Variants in ARHGAP10 observed in about 807,000 individuals in gnomAD.
ARHGAP10 encodes the protein rho GTPase-activating protein 10.
A neutral mutation model predicts 108.6 loss-of-function variants in ARHGAP10; 87 were observed. The observed-to-expected ratio is 0.80, with a 90% CI of 0.67 to 0.96. ARHGAP10 has a LOEUF of 0.96. Among genes scored for constraint, ARHGAP10 ranks in the 40% least tolerant of loss-of-function variants. ARHGAP10 has a pLI of 0.00. For synonymous variants in ARHGAP10, 347 were observed against 341.1 expected (o/e 1.02, Z -0.19); for missense variants, 939 against 954.5 (o/e 0.98, Z 0.21).
Position 147,950,586 on chromosome 4 carries a change from A to T in ARHGAP10, c.1391+3882A>T, listed in dbSNP as rs967480750. On this transcript the variant is annotated intron_variant, in intron 15 of 22. Coordinates refer to ENST00000336498, the MANE Select transcript of ARHGAP10 (RefSeq NM_024605.4). ...TGGAGGTGGAGGGAGGAAAACAGCC[A>T]AAGCCCCAAAGCACCAAACTAAAAC... Among the ~76,000 whole-genome samples, 62 of 152,216 alleles carry T rather than the reference A, an allele frequency of 4.1e-4. 1 individual carries two copies. Among genetic ancestry groups the T allele is most frequent in the African/African-American group, 1.3e-3 (55 of 41,462 alleles).
chr4:147,790,179 C>T (rs957216319), intron 1 of ARHGAP10, among the ~76,000 whole-genome samples: 4 of 151,890 alleles, frequency 2.6e-5, no homozygotes, highest in African/African-American at 9.7e-5. Context: ...ACTTGCACGC[C>T]ACCTTCTTGC....
chr4:147,947,140 AG>A (rs1294819447), intron 15 of ARHGAP10, among the ~76,000 whole-genome samples: 1 of 151,738 alleles, frequency 6.6e-6, no homozygotes, highest in African/African-American at 2.4e-5. Context: ...TTACTTGGTG[AG>A]GTTTTAAGAT....
chr4:147,994,159 TC>T (rs1163416340), intron 18 of ARHGAP10, among the ~76,000 whole-genome samples: 1 of 152,250 alleles, frequency 6.6e-6, no homozygotes, highest in East Asian at 1.9e-4. Context: ...TGTATTTTTT[TC>T]CTTTTGAGCT....
intron 3 of ARHGAP10, among the ~76,000 whole-genome samples, chr4:147,842,169 A>G (rs1436806635): frequency 6.6e-6 from 1 of 152,050 alleles, no homozygotes; most frequent in Non-Finnish European, 1.5e-5. Flanking sequence ...TCCTGACCTC[A>G]AGTGATCCAC....
chr4:147,920,863 C>T (rs1737207039), intron 13 of ARHGAP10, among the ~76,000 whole-genome samples: 1 of 151,980 alleles, frequency 6.6e-6, no homozygotes, highest in African/African-American at 2.4e-5. Context: ...GGAAACTCAG[C>T]AAAGATACAG....
At chr4:147,877,810 T>C (rs890977924) in intron 8 of ARHGAP10, among the ~76,000 whole-genome samples, 1 of 140,914 alleles carries the variant, frequency 7.1e-6, no homozygotes, top group Non-Finnish European at 1.5e-5. Context: ...AGATTTCTTA[T>C]TCTTCATACT....
chr4:147,910,475 G>A (rs1277773619), intron 12 of ARHGAP10, among the ~76,000 whole-genome samples: 1 of 152,170 alleles, frequency 6.6e-6, no homozygotes, highest in East Asian at 1.9e-4. Flanking sequence ...GGTAAGAGCT[G>A]TTTATATCGA....
intron 9 of ARHGAP10, among the ~76,000 whole-genome samples, 190 bp from the exon 10 acceptor site, chr4:147,881,648 A>G (rs751725875): frequency 5.9e-5 from 9 of 152,214 alleles, no homozygotes. Context: ...CAAAAGAATC[A>G]GGAGAATGAC....
intron 1 of ARHGAP10, among the ~76,000 whole-genome samples, chr4:147,790,570 C>T (rs1731077137): frequency 6.6e-6 from 1 of 152,108 alleles, no homozygotes; most frequent in South Asian, 2.1e-4. Context: ...CCTGCTTGTC[C>T]AGTTCATTAA....
chr4:148,043,092 T>C (rs1158650214), intron 19 of ARHGAP10, among the ~76,000 whole-genome samples: 1 of 151,998 alleles, frequency 6.6e-6, no homozygotes, highest in Non-Finnish European at 1.5e-5. Context: ...TAAAACCAGG[T>C]TATAAAACCA....
At chr4:147,733,104 G>T (rs1728288032) in intron 1 of ARHGAP10, among the ~76,000 whole-genome samples, 1 of 152,090 alleles carries the variant, frequency 6.6e-6, no homozygotes, top group Non-Finnish European at 1.5e-5. Context: ...AAGGGTGAGC[G>T]GACAGCCTGC....
chr4:148,032,913 C>T (rs1247377252), intron 19 of ARHGAP10, among the ~76,000 whole-genome samples: 2 of 152,188 alleles, frequency 1.3e-5, no homozygotes, highest in East Asian at 3.9e-4. Context: ...GTCAAGTCCT[C>T]CACCTTCTTC....
At chr4:147,748,784 A>G (rs1460857911) in intron 1 of ARHGAP10, among the ~76,000 whole-genome samples, 1 of 152,104 alleles carries the variant, frequency 6.6e-6, no homozygotes, top group Admixed American at 6.6e-5. Context: ...CAGCCTGGGC[A>G]ACATAGACCC....
chr4:147,747,647 G>GTT (rs140050359), intron 1 of ARHGAP10, among the ~76,000 whole-genome samples: 1 of 152,014 alleles, frequency 6.6e-6, no homozygotes, highest in African/African-American at 2.4e-5. Flanking sequence ...TTGGTGTCCT[G>GTT]TTTTTTTGTG....
chr4:147,971,495 C>T (rs1739404054), intron 18 of ARHGAP10, among the ~76,000 whole-genome samples: 1 of 152,138 alleles, frequency 6.6e-6, no homozygotes, highest in African/African-American at 2.4e-5. Flanking sequence ...AGTTTATGTT[C>T]AGCTGCAGGG....
intron 22 of ARHGAP10, among the ~76,000 whole-genome samples, chr4:148,066,761 CTGA>C (rs1392229444): frequency 1.3e-5 from 2 of 152,208 alleles, no homozygotes; most frequent in Non-Finnish European, 2.9e-5. Context: ...CTCTGTGCAG[CTGA>C]TTCTTCATCC....
At chr4:147,894,244 AT>A (rs1289583569) in intron 10 of ARHGAP10, among the ~76,000 whole-genome samples, 2 of 152,064 alleles carry the variant, frequency 1.3e-5, no homozygotes, top group African/African-American at 4.8e-5. Flanking sequence ...TGAGAGTTCT[AT>A]TTGCTCCACT....
intron 6 of ARHGAP10, chr4:147,866,462 T>A: frequency 2.8e-6 from 1 of 360,932 alleles, no homozygotes; most frequent in South Asian, 5.9e-5. Context: ...ATTCAATTTT[T>A]CCTGCAGAAC....
chr4:147,954,367 G>A (rs577938806), intron 15 of ARHGAP10, among the ~76,000 whole-genome samples: 2 of 151,846 alleles, frequency 1.3e-5, no homozygotes, highest in African/African-American at 4.8e-5. Flanking sequence ...CAAGTGTTTT[G>A]GGGCTCTCTT....
Sources: allele counts gnomAD v4.1 joint callset (sites outside exome capture counted in the v4.1 genomes callset), GRCh38; gene constraint gnomAD v4.1.1; transcripts MANE v1.5; gene names NCBI Gene and HGNC (gene_info 2026-07-23, HGNC 2026-07-21).